The following TMEM117 variants were observed in gnomAD, a reference collection of about 807,000 sequenced individuals.
TMEM117 encodes the protein transmembrane protein 117.
In TMEM117, 27 loss-of-function variants were observed where a neutral mutation model predicts 52.4. The ratio of observed to expected loss-of-function variants is 0.51; its 90% CI spans 0.38 to 0.71. The LOEUF is 0.71. TMEM117 is among the 30% of genes least tolerant of loss of function. The pLI is 0.00. For missense variants in TMEM117, 556 were observed against 630.5 expected (o/e 0.88, Z 1.26); for synonymous variants, 215 against 206.3 (o/e 1.04, Z -0.36).
intron 3 of TMEM117, among the ~76,000 whole-genome samples, chr12:44,136,072 T>C (rs1206558490): frequency 2.6e-5 from 4 of 152,190 alleles, no homozygotes; most frequent in Non-Finnish European, 5.9e-5. Context: ...TGGCAATGCA[T>C]TGTATATATT....
chr12:44,261,833 A>G (rs1208758754), intron 5 of TMEM117, among the ~76,000 whole-genome samples: 1 of 152,226 alleles, frequency 6.6e-6, no homozygotes, highest in African/African-American at 2.4e-5. Context: ...AATTAAAGCA[A>G]GCCAGGAAGC....
intron 1 of TMEM117, among the ~76,000 whole-genome samples, chr12:43,840,070 A>G (rs1565713526): frequency 6.6e-6 from 1 of 152,096 alleles, no homozygotes; most frequent in Non-Finnish European, 1.5e-5. Flanking sequence ...ACAAAATAGA[A>G]GTACTGTGAT....
At chr12:43,924,379 C>T (rs1944743900) in intron 2 of TMEM117, among the ~76,000 whole-genome samples, 1 of 152,092 alleles carries the variant, frequency 6.6e-6, no homozygotes, top group South Asian at 2.1e-4. Context: ...TCAATATAGA[C>T]ATCAACATTC....
intron 7 of TMEM117, among the ~76,000 whole-genome samples, chr12:44,379,537 T>G (rs901113776): frequency 1.6e-4 from 25 of 152,184 alleles, no homozygotes; most frequent in Non-Finnish European, 3.4e-4. Context: ...TCTCTCTTGC[T>G]TTTGTTCTGT....
intron 6 of TMEM117, among the ~76,000 whole-genome samples, chr12:44,371,152 T>A (rs1951858684): frequency 6.6e-6 from 1 of 152,180 alleles, no homozygotes; most frequent in African/African-American, 2.4e-5. Context: ...CACTGCTCAC[T>A]GTCATCTGAA....
chr12:44,052,820 GC>G (rs1386461417), intron 3 of TMEM117, among the ~76,000 whole-genome samples: 3 of 152,126 alleles, frequency 2.0e-5, no homozygotes, highest in Non-Finnish European at 2.9e-5. Flanking sequence ...AGTCTCTTCC[GC>G]TTTAGATTTC....
chr12:44,373,894 G>A (rs1951901546), intron 6 of TMEM117, among the ~76,000 whole-genome samples: 1 of 142,254 alleles, frequency 7.0e-6, no homozygotes, highest in African/African-American at 2.6e-5. Context: ...CAATTCTCCT[G>A]CCTCAGCCTC....
chr12:44,199,396 A>G (rs1013576466), intron 4 of TMEM117, among the ~76,000 whole-genome samples: 1 of 152,208 alleles, frequency 6.6e-6, no homozygotes, highest in Non-Finnish European at 1.5e-5. Context: ...TTAATTGGCT[A>G]TACATACTGA....
intron 6 of TMEM117, among the ~76,000 whole-genome samples, chr12:44,306,866 A>C (rs1277815155): frequency 1.3e-5 from 2 of 152,208 alleles, no homozygotes; most frequent in Non-Finnish European, 2.9e-5. Flanking sequence ...TCTAAATATA[A>C]ATCTGAATAA....
At chr12:43,901,225 A>G (rs1944298476) in intron 2 of TMEM117, among the ~76,000 whole-genome samples, 2 of 152,234 alleles carry the variant, frequency 1.3e-5, no homozygotes, top group South Asian at 4.1e-4. Context: ...TGTTTCTGCT[A>G]GTAGCATATG....
Position 44,024,183 on chromosome 12 carries a change from G to A in TMEM117, c.410+79841G>A, listed in dbSNP as rs74087935. On this transcript the variant is annotated intron_variant, in intron 3 of 7. Transcript: ENST00000266534. ...AGCACTAAGGAGATGTGTATAGTTT[G>A]TCTTGTGCACTGCATTAGGGTGTGA... Among the ~76,000 whole-genome samples, 1,397 of 152,286 alleles carry A rather than the reference G, an allele frequency of 9.2e-3. 23 individuals are homozygous for A. The highest frequency in any genetic ancestry group is 0.032 in the African/African-American group (1,317 of 41,564).
chr12:43,999,868 C>T (rs2137774555), intron 3 of TMEM117, among the ~76,000 whole-genome samples: 1 of 152,164 alleles, frequency 6.6e-6, no homozygotes, highest in Middle Eastern at 3.4e-3. Context: ...CTTGGCTCAC[C>T]ACCAATTAAA....
chr12:43,907,131 G>A (rs921276216), intron 2 of TMEM117, among the ~76,000 whole-genome samples: 3 of 152,182 alleles, frequency 2.0e-5, no homozygotes, highest in African/African-American at 7.2e-5. Flanking sequence ...GGTTCTCCCA[G>A]CACGCAGCTG....
chr12:44,319,969 C>T (rs1951109605), intron 6 of TMEM117, among the ~76,000 whole-genome samples: 1 of 152,162 alleles, frequency 6.6e-6, no homozygotes, highest in Non-Finnish European at 1.5e-5. Flanking sequence ...GTTCTGTTCA[C>T]TGCCATGGCC....
rs575497899 is a variant in TMEM117 at position 44,064,618 on chromosome 12, G to GT, written c.411-78899dup. 5.9e-3 allele frequency among the ~76,000 whole-genome samples: 890 copies of GT among 151,696 alleles called. 13 individuals are homozygous for GT. Among genetic ancestry groups the GT allele is most frequent in the African/African-American group, 0.02 (807 of 41,368 alleles). On this transcript the variant is annotated intron_variant, in intron 3 of 7. Transcript: ENST00000266534. The stretch of plus-strand genomic sequence containing the variant: ...CTCGTGATTAATTTTTTAAAAATCT[G>GT]TTTTTTTTAAAGAAAAAAGCTTTCT...
chr12:44,057,314 A>G lies in TMEM117; in HGVS notation c.411-86211A>G, dbSNP rs552779237. Reference sequence around the variant, plus strand: ...ATTTCTGGGGTTACATGATTAAGATAGCAGCCCTGCCCTTAAGGAACTTGT... The same window carrying G: ...ATTTCTGGGGTTACATGATTAAGATGGCAGCCCTGCCCTTAAGGAACTTGT... On this transcript the variant is annotated intron_variant, in intron 3 of 7. Coordinates refer to ENST00000266534, the MANE Select transcript of TMEM117 (RefSeq NM_032256.3). Among the ~76,000 whole-genome samples, 19 of 152,324 alleles carry G rather than the reference A, an allele frequency of 1.2e-4. No homozygotes were observed. In the South Asian group the frequency reaches 1.4e-3, roughly 12 times the overall value.
At chr12:43,977,189 AT>A (rs2137709104) in intron 3 of TMEM117, among the ~76,000 whole-genome samples, 1 of 152,312 alleles carries the variant, frequency 6.6e-6, no homozygotes, top group East Asian at 1.9e-4. Context: ...GGAACAGATT[AT>A]CTGAAGTGAA....
intron 3 of TMEM117, among the ~76,000 whole-genome samples, chr12:44,087,935 T>C (rs1947599823): frequency 6.6e-6 from 1 of 152,222 alleles, no homozygotes; most frequent in African/African-American, 2.4e-5. Context: ...TCTCAAACTT[T>C]TTGATATCAG....
At chr12:43,919,504 G>C (rs1944658307) in intron 2 of TMEM117, among the ~76,000 whole-genome samples, 1 of 152,108 alleles carries the variant, frequency 6.6e-6, no homozygotes, top group Non-Finnish European at 1.5e-5. Context: ...ATCATTGTGT[G>C]TATATATTCC....
Sources: allele counts gnomAD v4.1 joint callset (sites outside exome capture counted in the v4.1 genomes callset), GRCh38; gene constraint gnomAD v4.1.1; transcripts MANE v1.5; gene names NCBI Gene and HGNC (gene_info 2026-07-23, HGNC 2026-07-21).